TMEM116: variants seen among roughly 807,000 people sequenced by gnomAD.
TMEM116 encodes the protein transmembrane protein 116.
Under a neutral mutation model 44.3 loss-of-function variants are expected in TMEM116, and 38 were observed. The ratio of observed to expected loss-of-function variants is 0.86; its 90% CI spans 0.66 to 1.12. TMEM116 has a LOEUF of 1.12. Among genes scored for constraint, TMEM116 ranks in the 50% most tolerant of loss-of-function variants. TMEM116 has a pLI of 0.00. For missense variants in TMEM116, 354 were observed against 401.7 expected, an observed-to-expected ratio of 0.88 and a Z score of 1.01; for synonymous variants, 132 against 144.8, an observed-to-expected ratio of 0.91 and a Z score of 0.64.
chr12:111,973,922 C>A (rs1272930418), intron 4 of TMEM116, among the ~76,000 whole-genome samples: 4 of 150,990 alleles, frequency 2.6e-5, no homozygotes, highest in Non-Finnish European at 5.9e-5. Context: ...CAAAAAAACC[C>A]AAAAAAACAA....
intron 5 of TMEM116, among the ~76,000 whole-genome samples, chr12:111,942,728 G>A (rs1171783091): frequency 6.6e-6 from 1 of 152,112 alleles, no homozygotes; most frequent in African/African-American, 2.4e-5. Context: ...AGGAATGCCA[G>A]CACTGTAAAT....
intron 3 of TMEM116, 122 bp downstream of exon 3, chr12:112,003,678 A>C: frequency 7.3e-7 from 1 of 1,370,816 alleles, no homozygotes; most frequent in Non-Finnish European, 9.5e-7. Context: ...TCATTGTATC[A>C]TCATGACAAA....
At chr12:111,966,279 C>G (rs1022066362) in intron 4 of TMEM116, among the ~76,000 whole-genome samples, 1 of 152,020 alleles carries the variant, frequency 6.6e-6, no homozygotes, top group African/African-American at 2.4e-5. Context: ...GCACTCCAGC[C>G]TGGGCAACAG....
intron 4 of TMEM116, among the ~76,000 whole-genome samples, chr12:111,990,808 GTGT>G (rs2076518618): frequency 6.6e-6 from 1 of 152,132 alleles, no homozygotes; most frequent in Admixed American, 6.5e-5. Context: ...TCAAAATCCA[GTGT>G]TTATTTTACT....
intron 3 of TMEM116, among the ~76,000 whole-genome samples, chr12:111,996,614 A>G (rs141945537): frequency 2.0e-5 from 3 of 152,320 alleles, no homozygotes; most frequent in East Asian, 3.9e-4. Flanking sequence ...ACATTAATTT[A>G]GGGGCAGTGG....
intron 6 of TMEM116, 166 bp downstream of exon 6, chr12:111,937,995 T>C (rs532442674): frequency 1.2e-4 from 53 of 432,082 alleles, no homozygotes; most frequent in Admixed American, 2.7e-4. Context: ...CCCTATTCAA[T>C]GTGGAAAAAT....
intron 5 of TMEM116, among the ~76,000 whole-genome samples, chr12:111,939,335 C>A (rs1287679587): frequency 6.6e-6 from 1 of 151,900 alleles, no homozygotes; most frequent in African/African-American, 2.4e-5. Context: ...CACCTGTAGT[C>A]CCAGCTACTC....
At chr12:111,943,243 A>C (rs376713044) in intron 5 of TMEM116, 22 bp downstream of exon 5, 1 of 1,573,966 alleles carries the variant, frequency 6.4e-7, no homozygotes, top group South Asian at 1.1e-5. Context: ...ATTATTAACT[A>C]TCAGCCCTGA....
intron 10 of TMEM116, 82 bp downstream of exon 10, chr12:111,932,504 T>C: frequency 8.4e-7 from 1 of 1,191,890 alleles, no homozygotes; most frequent in Non-Finnish European, 1.2e-6. Context: ...AGGGAAAAAA[T>C]CATCCTTACC....
At chr12:111,986,231 C>T (rs1011381957) in intron 4 of TMEM116, among the ~76,000 whole-genome samples, 2 of 151,968 alleles carry the variant, frequency 1.3e-5, no homozygotes, top group Non-Finnish European at 2.9e-5. Flanking sequence ...TGGTGATGTG[C>T]ACCTGTGGTC....
At chr12:111,972,305 G>T (rs2075391054) in intron 4 of TMEM116, among the ~76,000 whole-genome samples, 1 of 151,988 alleles carries the variant, frequency 6.6e-6, no homozygotes, top group African/African-American at 2.4e-5. Flanking sequence ...AATACTAACT[G>T]TTTATGTACC....
At chr12:111,945,531 A>G (rs1440067858) in intron 4 of TMEM116, among the ~76,000 whole-genome samples, 1 of 152,070 alleles carries the variant, frequency 6.6e-6, no homozygotes, top group Non-Finnish European at 1.5e-5. Flanking sequence ...CTTAAGTGAT[A>G]TTGTTAAAAA....
intron 4 of TMEM116, among the ~76,000 whole-genome samples, chr12:111,961,272 C>T (rs747384407): frequency 9.9e-5 from 15 of 152,044 alleles, no homozygotes; most frequent in Non-Finnish European, 1.9e-4. Flanking sequence ...CCATTTCTTC[C>T]GAAACTATTT....
At chr12:111,991,562 TA>T (rs2136624562) in intron 4 of TMEM116, among the ~76,000 whole-genome samples, 195 bp downstream of exon 4, 1 of 152,072 alleles carries the variant, frequency 6.6e-6, no homozygotes, top group East Asian at 1.9e-4. Context: ...AAGATAACAT[TA>T]TTTTTTTGCT....
intron 3 of TMEM116, among the ~76,000 whole-genome samples, chr12:112,002,795 T>C (rs1052406343): frequency 3.3e-5 from 5 of 152,198 alleles, no homozygotes; most frequent in Non-Finnish European, 7.3e-5. Context: ...ATTTTTATTA[T>C]TAAAGTGGGC....
At chr12:112,006,097 G>T in intron 1 of TMEM116, 3 of 382,032 alleles carry the variant, frequency 7.9e-6, no homozygotes, top group Non-Finnish European at 1.1e-5. Flanking sequence ...TCCCAGCTGG[G>T]CTCCTCCTAT....
chr12:111,977,875 G>A (rs1295348439), intron 4 of TMEM116, among the ~76,000 whole-genome samples: 1 of 151,722 alleles, frequency 6.6e-6, no homozygotes, highest in East Asian at 1.9e-4. Context: ...CAAACTCTTG[G>A]GGAGTAACTA....
chr12:112,003,916 C>A, intron 2 of TMEM116, 53 bp from the exon 3 acceptor site: 1 of 1,417,410 alleles, frequency 7.1e-7, no homozygotes, highest in Non-Finnish European at 9.1e-7. Flanking sequence ...GGAGTGCCAT[C>A]GTTTTTGTTA....
At chr12:112,005,881 G>T in intron 1 of TMEM116, 1 of 956,982 alleles carries the variant, frequency 1.0e-6, no homozygotes, top group Non-Finnish European at 1.2e-6. Context: ...GATTGTGAGT[G>T]AAAAATGCAG....
Sources: gnomAD v4.1 joint callset for allele counts (sites outside exome capture counted in the v4.1 genomes callset) on GRCh38, gnomAD v4.1.1 for gene constraint, MANE v1.5 for transcripts, NCBI Gene and HGNC (gene_info 2026-07-23, HGNC 2026-07-21) for gene names.